TRDN: variants seen among roughly 807,000 people sequenced by gnomAD.
The protein encoded by TRDN is triadin, also known as triadin in skeletal muscle.
In TRDN, 161 loss-of-function variants were observed where a neutral mutation model predicts 149.7. The observed-to-expected ratio is 1.08, with a 90% confidence interval of 0.95 to 1.23. TRDN has a LOEUF of 1.23. TRDN is among the 50% of genes most tolerant of loss of function. The probability of loss-of-function intolerance (pLI) is 0.00; values close to 1 mark genes in which losing one functional copy is unlikely to be tolerated. For missense variants in TRDN, 896 were observed against 823.5 expected, an observed-to-expected ratio of 1.09 and a Z score of -1.08; for synonymous variants, 294 against 250.5, an observed-to-expected ratio of 1.17 and a Z score of -1.64.
At chr6:123,364,712 T>C (rs1038659199) in intron 20 of TRDN, among the ~76,000 whole-genome samples, 3 of 152,306 alleles carry the variant, frequency 2.0e-5, no homozygotes, top group Middle Eastern at 3.4e-3. Flanking sequence ...TATTTGGACA[T>C]CTTGTTGCTT....
At chr6:123,272,554 C>T (rs557281806) in intron 29 of TRDN, among the ~76,000 whole-genome samples, 1 of 151,832 alleles carries the variant, frequency 6.6e-6, no homozygotes, top group East Asian at 1.9e-4. Flanking sequence ...GGAAAAGAAG[C>T]ATGGAGAAAT....
rs370798082 is a variant in TRDN at position 123,274,658 on chromosome 6, T to C, written c.1580A>G (p.Lys527Arg). 6 of 1,608,634 alleles carry C rather than the reference T, an allele frequency of 3.7e-6. No individual in the cohort carries two copies. The highest frequency in any genetic ancestry group is 5.1e-6 in the Non-Finnish European group (6 of 1,177,148). The change falls in exon 27 of 41, where the codon AAA (lysine) becomes AGA (arginine). Residue 527 changes from lysine to arginine, a missense_variant. Coordinates refer to ENST00000334268, the MANE Select transcript of TRDN (RefSeq NM_006073.4). ...KKEEKPEPQI[K>R]KEAKPAISEK... ...CATGTTACCTGGTTTTGCTTCTTTT[T>C]TAATTTGGGGCTCTGAGGGAGAGAA...
intron 9 of TRDN, among the ~76,000 whole-genome samples, chr6:123,477,324 G>C (rs1777536077): frequency 7.1e-6 from 1 of 140,870 alleles, no homozygotes; most frequent in Admixed American, 6.9e-5. Flanking sequence ...CACCATCACT[G>C]GCCATCAGAG....
intron 39 of TRDN, among the ~76,000 whole-genome samples, 152 bp from the exon 40 acceptor site, chr6:123,221,674 C>T (rs1481263006): frequency 2.0e-5 from 3 of 151,600 alleles, no homozygotes; most frequent in Non-Finnish European, 4.4e-5. Flanking sequence ...TACACAGATT[C>T]TATTCATATT....
intron 20 of TRDN, among the ~76,000 whole-genome samples, chr6:123,359,875 T>C (rs775642117): frequency 3.3e-5 from 5 of 152,082 alleles, no homozygotes; most frequent in African/African-American, 4.8e-5. Flanking sequence ...TTTCGTATTT[T>C]TAGTAGAGAC....
intron 8 of TRDN, 89 bp downstream of exon 8, chr6:123,503,630 G>T (rs538834841): frequency 6.4e-7 from 1 of 1,566,850 alleles, no homozygotes; most frequent in Non-Finnish European, 8.6e-7. Context: ...GTCTGATTTT[G>T]GTCTTTTTCA....
chr6:123,503,516 A>T lies in TRDN; in HGVS notation c.793+203T>A, dbSNP rs980561551. ...AAAATACTTCAAAATGCCCCTTTAG[A>T]TCTGTGAACACATTTTAGTATTTTT... On this transcript the variant is annotated intron_variant, in intron 8 of 40. Coordinates refer to ENST00000334268, the MANE Select transcript of TRDN (RefSeq NM_006073.4). 1.7e-5 allele frequency: 24 copies of T among 1,413,020 alleles called. No individual in the cohort carries two copies. The Admixed American group carries it at 3.4e-4, about 20-fold the overall frequency. 87.5% of individuals were successfully genotyped at this position (1,413,020 alleles called of 1,614,324 possible). A position where few individuals can be genotyped will look rare whatever the true frequency, so the allele number is the denominator to read the frequency against.
chr6:123,259,626 T>G lies in TRDN; in HGVS notation c.1868A>C (p.Lys623Thr). 6.8e-7 allele frequency: 1 copy of G among 1,475,894 alleles called. No homozygotes were observed. Among genetic ancestry groups the G allele is most frequent in the South Asian group, 1.3e-5 (1 of 78,886 alleles). The allele number at this position is 1,475,894 out of a possible 1,614,324, so 91.4% of individuals were successfully genotyped here. A position where few individuals can be genotyped will look rare whatever the true frequency, so the allele number is the denominator to read the frequency against. Residue 623 changes from lysine to threonine, a missense_variant and splice_region_variant, in exon 35 of 41, where the codon AAA becomes ACA. Coordinates refer to ENST00000334268, the MANE Select transcript of TRDN (RefSeq NM_006073.4). ...ATGTCTTAAAATGTCATTTTTACCT[T>G]TACTTTCTTTTTCAGATATTTCAGT... The part of the protein sequence containing the change: ...KKTEISEKES[K>T]EKADMKHLRE...
Position 123,540,754 on chromosome 6 carries a change from G to A in TRDN, c.424+6586C>T, listed in dbSNP as rs148688506. Among the ~76,000 whole-genome samples, 1,330 of 152,166 alleles carry A rather than the reference G, an allele frequency of 8.7e-3. 21 individuals carry two copies. The highest frequency in any genetic ancestry group is 0.03 in the African/African-American group (1,228 of 41,516). ...AGGATGGCCTCCATTTCCTGACCTC[G>A]TGATCTGCCCGCCTCGGCCTCCCAA... On this transcript the variant is annotated intron_variant, in intron 4 of 40. Transcript: ENST00000334268.
At chr6:123,567,718 T>C (rs747396283) in intron 2 of TRDN, among the ~76,000 whole-genome samples, 6 of 152,154 alleles carry the variant, frequency 3.9e-5, no homozygotes, top group Non-Finnish European at 7.3e-5. Context: ...ACCAAGGGAA[T>C]TGGCTAAACC....
chr6:123,377,805 T>G (rs1781567621), intron 17 of TRDN, 61 bp downstream of exon 17: 3 of 1,600,082 alleles, frequency 1.9e-6, no homozygotes, highest in Non-Finnish European at 2.6e-6. Context: ...AATTCAGTAT[T>G]CAATTGCAAA....
At chr6:123,575,940 G>A (rs1255437487) in intron 1 of TRDN, among the ~76,000 whole-genome samples, 1 of 152,024 alleles carries the variant, frequency 6.6e-6, no homozygotes, top group Non-Finnish European at 1.5e-5. Context: ...ATTCTAGAAT[G>A]GTATAAATGA....
intron 37 of TRDN, among the ~76,000 whole-genome samples, chr6:123,254,724 A>G (rs768297094): frequency 6.6e-6 from 1 of 152,016 alleles, no homozygotes; most frequent in Non-Finnish European, 1.5e-5. Context: ...TCTTAACTAT[A>G]TGTTATTTAG....
intron 13 of TRDN, among the ~76,000 whole-genome samples, chr6:123,390,500 A>T (rs943879970): frequency 6.6e-6 from 1 of 152,108 alleles, no homozygotes; most frequent in African/African-American, 2.4e-5. Context: ...AAGGAATTTG[A>T]CCTATTCCAT....
chr6:123,381,323 A>T lies in TRDN; in HGVS notation c.1186+47T>A, dbSNP rs1038513971. ...CTAAATACAGCAGCAGGCAAATAAT[A>T]GTAGTAAAAAAAAAAGTACACAAAT... On this transcript the variant is annotated intron_variant, in intron 16 of 40. Transcript: ENST00000334268. 3.9e-6 allele frequency: 6 copies of T among 1,520,424 alleles called. No homozygotes were observed. In the African/African-American group the frequency reaches 6.9e-5, roughly 17 times the overall value. 94.2% of individuals were successfully genotyped at this position (1,520,424 alleles called of 1,614,324 possible).
chr6:123,406,217 A>C (rs190679888), intron 12 of TRDN, among the ~76,000 whole-genome samples: 210 of 152,314 alleles, frequency 1.4e-3, no homozygotes, highest in African/African-American at 4.8e-3. Flanking sequence ...TTTCAACAAA[A>C]ATAAATTTCA....
intron 7 of TRDN, among the ~76,000 whole-genome samples, chr6:123,507,601 T>C (rs1166058275): frequency 2.0e-5 from 3 of 152,142 alleles, no homozygotes; most frequent in African/African-American, 4.8e-5. Context: ...TTCAATTTTG[T>C]GCCAAAATAT....
At chr6:123,517,491 T>C (rs2114261878) in intron 5 of TRDN, among the ~76,000 whole-genome samples, 1 of 152,262 alleles carries the variant, frequency 6.6e-6, no homozygotes, top group African/African-American at 2.4e-5. Flanking sequence ...CACTGCTTAG[T>C]ATGGTATCTG....
intron 26 of TRDN, among the ~76,000 whole-genome samples, chr6:123,275,517 G>A (rs1777340843): frequency 6.6e-6 from 1 of 152,118 alleles, no homozygotes; most frequent in Admixed American, 6.6e-5. Context: ...CCAAAATTGT[G>A]AGAGAGAAAA....
Sources: allele counts gnomAD v4.1 joint callset (sites outside exome capture counted in the v4.1 genomes callset), GRCh38; gene constraint gnomAD v4.1.1; transcripts MANE v1.5; gene names NCBI Gene and HGNC (gene_info 2026-07-23, HGNC 2026-07-21).